CDH8: variants seen among roughly 807,000 people sequenced by gnomAD.
The protein encoded by CDH8 is cadherin 8.
A neutral mutation model predicts 68.1 loss-of-function variants in CDH8; 17 were observed. The ratio of observed to expected loss-of-function variants is 0.25; its 90% CI spans 0.17 to 0.37. The LOEUF (loss-of-function observed/expected upper bound fraction) is 0.37. Among genes scored for constraint, CDH8 ranks in the 10% least tolerant of loss-of-function variants. The pLI, the probability that CDH8 is intolerant of heterozygous loss-of-function variation, is 1.00. For missense variants in CDH8, 763 were observed against 999.3 expected, an observed-to-expected ratio of 0.76 and a Z score of 3.19; for synonymous variants, 372 against 365.1, an observed-to-expected ratio of 1.02 and a Z score of -0.21.
chr16:61,826,060 C>T (rs1962325590), intron 4 of CDH8, among the ~76,000 whole-genome samples: 1 of 151,678 alleles, frequency 6.6e-6, no homozygotes, highest in African/African-American at 2.4e-5. Context: ...TCATAGATAA[C>T]GCTGACATTT....
At chr16:61,734,590 T>C (rs1453761380) in intron 8 of CDH8, among the ~76,000 whole-genome samples, 1 of 152,090 alleles carries the variant, frequency 6.6e-6, no homozygotes, top group East Asian at 1.9e-4. Context: ...GCCCCACCTT[T>C]TCCAGAAGGC....
intron 1 of CDH8, among the ~76,000 whole-genome samples, chr16:62,035,447 G>A (rs1902433045): frequency 6.6e-6 from 1 of 152,078 alleles, no homozygotes; most frequent in Non-Finnish European, 1.5e-5. Context: ...GGGCGACTCC[G>A]GAGCCCGGCA....
At chr16:62,024,322 G>A (rs1902144329) in intron 1 of CDH8, among the ~76,000 whole-genome samples, 1 of 152,066 alleles carries the variant, frequency 6.6e-6, no homozygotes, top group Non-Finnish European at 1.5e-5. Context: ...TTGGTTTTGA[G>A]GACTAAAGGA....
chr16:61,964,854 TTA>T (rs1225712319), intron 2 of CDH8, among the ~76,000 whole-genome samples: 3 of 152,176 alleles, frequency 2.0e-5, no homozygotes, highest in African/African-American at 7.2e-5. Flanking sequence ...GTGAATTTGA[TTA>T]TGTCTTTTTG....
At chr16:61,894,454 G>A (rs1486657551) in intron 3 of CDH8, among the ~76,000 whole-genome samples, 1 of 152,128 alleles carries the variant, frequency 6.6e-6, no homozygotes, top group Non-Finnish European at 1.5e-5. Context: ...GGTGTGTCAA[G>A]ATTAATTTCC....
intron 10 of CDH8, among the ~76,000 whole-genome samples, chr16:61,699,788 C>T (rs977308318): frequency 1.3e-5 from 2 of 152,086 alleles, no homozygotes; most frequent in Non-Finnish European, 2.9e-5. Flanking sequence ...GTTGGCCAGG[C>T]TGGCCTTGAA....
At chr16:61,927,508 A>G (rs924383682) in intron 2 of CDH8, among the ~76,000 whole-genome samples, 1 of 152,234 alleles carries the variant, frequency 6.6e-6, no homozygotes, top group Non-Finnish European at 1.5e-5. Flanking sequence ...AACTGCAATT[A>G]TAATTTTAGT....
At chr16:61,912,288 G>A (rs903881350) in intron 2 of CDH8, among the ~76,000 whole-genome samples, 2 of 152,034 alleles carry the variant, frequency 1.3e-5, no homozygotes, top group Non-Finnish European at 2.9e-5. Context: ...GGGTGACAAT[G>A]GCACATCATG....
At chr16:61,874,860 A>G (rs1963433010) in intron 3 of CDH8, among the ~76,000 whole-genome samples, 1 of 152,184 alleles carries the variant, frequency 6.6e-6, no homozygotes, top group African/African-American at 2.4e-5. Flanking sequence ...CACCAACCTA[A>G]TAGATACAGA....
rs1201245497 is a variant in CDH8, at chr16:61,649,485, C to T, written c.*4123G>A. 1 of 151,362 alleles carries T rather than the reference C, an allele frequency of 6.6e-6. No homozygotes were observed. The highest frequency in any genetic ancestry group is 1.5e-5 in the Non-Finnish European group (1 of 67,842). 9.4% of individuals were successfully genotyped at this position (151,362 alleles called of 1,614,324 possible). On this transcript the variant is annotated 3_prime_UTR_variant, in exon 12 of 12. Coordinates refer to ENST00000577390, the MANE Select transcript of CDH8 (RefSeq NM_001796.5). ...ATATATTCTTTTTAATGTTGATATT[C>T]ATGTTTAAGTTGTGCATTTATAGAG...
intron 10 of CDH8, among the ~76,000 whole-genome samples, chr16:61,658,572 T>G (rs1379512062): frequency 6.6e-6 from 1 of 152,032 alleles, no homozygotes; most frequent in Non-Finnish European, 1.5e-5. Flanking sequence ...TTTTAAGAGG[T>G]CTTTATTCTG....
intron 8 of CDH8, among the ~76,000 whole-genome samples, chr16:61,744,388 T>C (rs1959960157): frequency 6.6e-6 from 1 of 152,052 alleles, no homozygotes; most frequent in Non-Finnish European, 1.5e-5. Flanking sequence ...TCTCCTTAGT[T>C]TACACCTGAA....
chr16:61,695,431 CT>C (rs1964306654), intron 10 of CDH8, among the ~76,000 whole-genome samples: 1 of 152,170 alleles, frequency 6.6e-6, no homozygotes, highest in African/African-American at 2.4e-5. Flanking sequence ...CTTGGGCCAC[CT>C]TTCAACTAGT....
intron 8 of CDH8, among the ~76,000 whole-genome samples, chr16:61,779,310 T>C (rs1367398830): frequency 6.6e-6 from 1 of 152,106 alleles, no homozygotes; most frequent in Non-Finnish European, 1.5e-5. Flanking sequence ...TATTCTTTAC[T>C]GTCCTATGGC....
chr16:62,024,772 G>A (rs1157148000), intron 1 of CDH8, among the ~76,000 whole-genome samples: 1 of 152,170 alleles, frequency 6.6e-6, no homozygotes, highest in East Asian at 1.9e-4. Flanking sequence ...CTGAGGCAGA[G>A]AATAATGAAA....
At chr16:61,867,504 C>A (rs35463317) in intron 3 of CDH8, among the ~76,000 whole-genome samples, 7 of 152,046 alleles carry the variant, frequency 4.6e-5, no homozygotes, top group Non-Finnish European at 8.8e-5. Flanking sequence ...TATGAGGGGA[C>A]TTTGATATTG....
intron 9 of CDH8, 171 bp from the exon 10 acceptor site, chr16:61,714,129 T>C: frequency 1.6e-6 from 1 of 608,476 alleles, no homozygotes; most frequent in South Asian, 1.9e-5. Context: ...AAAAATCCAT[T>C]ACTTTAAAAC....
chr16:61,795,742 G>GT (rs2142995558), intron 7 of CDH8, among the ~76,000 whole-genome samples: 1 of 152,136 alleles, frequency 6.6e-6, no homozygotes, highest in East Asian at 1.9e-4. Context: ...CACTCAAAAA[G>GT]TATTTCCAAA....
chr16:61,882,217 T>C (rs1485986144), intron 3 of CDH8, among the ~76,000 whole-genome samples: 2 of 152,206 alleles, frequency 1.3e-5, no homozygotes, highest in Non-Finnish European at 2.9e-5. Context: ...TCTGATCAAA[T>C]GTGTTTTACT....
Sources: allele counts gnomAD v4.1 joint callset (sites outside exome capture counted in the v4.1 genomes callset), GRCh38; gene constraint gnomAD v4.1.1; transcripts MANE v1.5; gene names NCBI Gene and HGNC (gene_info 2026-07-23, HGNC 2026-07-21).